Variants in PTPRD observed in about 807,000 individuals in gnomAD.
PTPRD encodes the protein receptor-type tyrosine-protein phosphatase delta.
PTPRD carries 34 observed loss-of-function variants against 214.5 expected under a neutral mutation model. The ratio of observed to expected loss-of-function variants is 0.16; its 90% confidence interval spans 0.12 to 0.21. The LOEUF (loss-of-function observed/expected upper bound fraction) is 0.21. Ranked by LOEUF, PTPRD falls within the 10% of genes least tolerant of loss-of-function variation. The pLI, the probability that PTPRD is intolerant of heterozygous loss-of-function variation, is 1.00. For missense variants in PTPRD, 2,545 were observed against 2,398.7 expected (o/e 1.06, Z -1.27); for synonymous variants, 1,128 against 845.7 (o/e 1.33, Z -5.79).
intron 5 of PTPRD, among the ~76,000 whole-genome samples, chr9:9,915,311 C>T (rs1184487692): frequency 6.6e-6 from 1 of 151,426 alleles, no homozygotes; most frequent in African/African-American, 2.4e-5. Context: ...AATGTAGGAA[C>T]ACATCAAACA....
intron 5 of PTPRD, among the ~76,000 whole-genome samples, chr9:9,854,616 CTTA>C (rs1404852839): frequency 6.6e-6 from 1 of 151,896 alleles, no homozygotes; most frequent in African/African-American, 2.4e-5. Context: ...TTGTACTTCT[CTTA>C]TTCTTTCAAG....
chr9:10,025,101 G>A (rs138821225), intron 4 of PTPRD, among the ~76,000 whole-genome samples: 3,608 of 152,060 alleles, frequency 0.024, 137 homozygotes, highest in African/African-American at 0.08. Flanking sequence ...ACGTGTGCAT[G>A]TGTCTTTATA....
rs566356873 is a variant in PTPRD at position 9,144,476 on chromosome 9, G to A, written c.-143+38828C>T. Among the ~76,000 whole-genome samples the A allele has an allele frequency of 5.3e-5, 8 of 152,252 alleles. No homozygotes were observed. In the East Asian group the frequency reaches 1.2e-3, roughly 22 times the overall value. ...AGTGATTGAAAACATTCTTTAGGCCGGGTGCGGTGACCCATGCCTGTAATC... is the reference window on the plus strand; with the variant it reads ...AGTGATTGAAAACATTCTTTAGGCCAGGTGCGGTGACCCATGCCTGTAATC... On this transcript the variant is annotated intron_variant, in intron 10 of 45. Coordinates refer to ENST00000381196, the MANE Select transcript of PTPRD (RefSeq NM_002839.4).
intron 8 of PTPRD, among the ~76,000 whole-genome samples, chr9:9,403,553 G>C (rs965049301): frequency 7.3e-5 from 11 of 151,616 alleles, no homozygotes; most frequent in African/African-American, 1.9e-4. Context: ...ATTTCTCCCT[G>C]TTCTCTTACA....
chr9:9,556,877 A>G (rs148792230), intron 8 of PTPRD, among the ~76,000 whole-genome samples: 149 of 152,334 alleles, frequency 9.8e-4, no homozygotes, highest in African/African-American at 3.5e-3. Flanking sequence ...ACAAAGGATT[A>G]GAAACCTGTA....
intron 7 of PTPRD, among the ~76,000 whole-genome samples, chr9:9,594,331 T>A (rs1018065779): frequency 5.3e-4 from 81 of 152,166 alleles, no homozygotes; most frequent in African/African-American, 1.9e-3. Flanking sequence ...GGGTTCTTGG[T>A]CATGAAATCC....
At chr9:10,275,449 G>C (rs928424124) in intron 3 of PTPRD, among the ~76,000 whole-genome samples, 1 of 151,616 alleles carries the variant, frequency 6.6e-6, no homozygotes, top group East Asian at 1.9e-4. Flanking sequence ...GAGAGAGAGA[G>C]AATTGATGTA....
chr9:10,538,729 A>G (rs963990502), intron 2 of PTPRD, among the ~76,000 whole-genome samples: 3 of 152,140 alleles, frequency 2.0e-5, no homozygotes, highest in Non-Finnish European at 4.4e-5. Context: ...TCTAAATCAT[A>G]TAAAGGACTT....
chr9:8,486,833 A>T (rs2097027265), intron 27 of PTPRD, among the ~76,000 whole-genome samples: 1 of 152,188 alleles, frequency 6.6e-6, no homozygotes, highest in Non-Finnish European at 1.5e-5. Flanking sequence ...CGGATTAGTT[A>T]TTATTATCTC....
chr9:9,546,698 C>T (rs2078884800), intron 8 of PTPRD, among the ~76,000 whole-genome samples: 1 of 151,718 alleles, frequency 6.6e-6, no homozygotes. Flanking sequence ...ATAATAATTA[C>T]TAACTTATTG....
At chr9:8,360,926 A>AC (rs1344849666) in intron 39 of PTPRD, among the ~76,000 whole-genome samples, 1 of 151,948 alleles carries the variant, frequency 6.6e-6, no homozygotes, top group Admixed American at 6.6e-5. Flanking sequence ...ACAGAAATTC[A>AC]CCCCCCTGCA....
At chr9:9,011,451 G>A (rs748994768) in intron 11 of PTPRD, among the ~76,000 whole-genome samples, 1 of 152,134 alleles carries the variant, frequency 6.6e-6, no homozygotes, top group Non-Finnish European at 1.5e-5. Flanking sequence ...TACCTCTGTG[G>A]TTGTTATAGG....
chr9:9,278,967 C>T (rs539850454), intron 9 of PTPRD, among the ~76,000 whole-genome samples: 1 of 151,244 alleles, frequency 6.6e-6, no homozygotes, highest in African/African-American at 2.4e-5. Flanking sequence ...GTTTTTGTGT[C>T]ACAAAATAAA....
At position 10,459,783 on chromosome 9, in the gene PTPRD, G is replaced by A. The variant is rs569110077; in HGVS notation, c.-599-118766C>T. Among the ~76,000 whole-genome samples the A allele has an allele frequency of 6.7e-3, 1,017 of 151,452 alleles. 10 individuals carry two copies. Among genetic ancestry groups the A allele is most frequent in the South Asian group, 0.031 (148 of 4,814 alleles). On this transcript the variant is annotated intron_variant, in intron 2 of 45. Transcript: ENST00000381196. Reference sequence around the variant, plus strand: ...TCTTGTAAATTTATTTAAGTTCCTTGTGGATTCTGGATATTAGCCCTTTGT... The same window carrying A: ...TCTTGTAAATTTATTTAAGTTCCTTATGGATTCTGGATATTAGCCCTTTGT...
At chr9:10,202,567 C>T (rs1439971439) in intron 3 of PTPRD, among the ~76,000 whole-genome samples, 2 of 149,590 alleles carry the variant, frequency 1.3e-5, no homozygotes, top group Non-Finnish European at 3.0e-5. Context: ...TCAAATTATC[C>T]TATGTTTCAT....
At chr9:9,564,256 A>G (rs2154294840) in intron 8 of PTPRD, among the ~76,000 whole-genome samples, 1 of 152,206 alleles carries the variant, frequency 6.6e-6, no homozygotes, top group East Asian at 1.9e-4. Flanking sequence ...GAAAATCTCC[A>G]TGAGTGATTC....
chr9:9,929,982 C>A (rs2085833474), intron 5 of PTPRD, among the ~76,000 whole-genome samples: 1 of 152,152 alleles, frequency 6.6e-6, no homozygotes, highest in Non-Finnish European at 1.5e-5. Context: ...AGGTTATACT[C>A]ATTTACCACC....
At chr9:10,357,446 A>G (rs1390520597) in intron 2 of PTPRD, among the ~76,000 whole-genome samples, 2 of 152,220 alleles carry the variant, frequency 1.3e-5, no homozygotes, top group Non-Finnish European at 2.9e-5. Flanking sequence ...GTCAAACAGC[A>G]AACTATTTAA....
intron 10 of PTPRD, among the ~76,000 whole-genome samples, chr9:9,084,881 A>C (rs568017799): frequency 6.6e-6 from 1 of 152,290 alleles, no homozygotes; most frequent in East Asian, 1.9e-4. Flanking sequence ...CTAATGTTTA[A>C]ATATTTCTTA....
Sources: allele counts gnomAD v4.1 joint callset (sites outside exome capture counted in the v4.1 genomes callset), GRCh38; gene constraint gnomAD v4.1.1; transcripts MANE v1.5; gene names NCBI Gene and HGNC (gene_info 2026-07-23, HGNC 2026-07-21).